MARCHF4: variants seen among roughly 807,000 people sequenced by gnomAD.
The protein encoded by MARCHF4 is E3 ubiquitin-protein ligase MARCHF4.
Under a neutral mutation model 43.9 loss-of-function variants are expected in MARCHF4, and 14 were observed. That is an observed-to-expected ratio of 0.32 (90% CI 0.21 to 0.50). The LOEUF (loss-of-function observed/expected upper bound fraction) is 0.50, where lower values mean the gene tolerates loss of function less well. Ranked by LOEUF, MARCHF4 falls within the 20% of genes least tolerant of loss-of-function variation. The pLI, the probability that MARCHF4 is intolerant of heterozygous loss-of-function variation, is 0.98. For synonymous variants in MARCHF4, 226 were observed against 213.3 expected, an observed-to-expected ratio of 1.06 and a Z score of -0.52; for missense variants, 468 against 536.7, an observed-to-expected ratio of 0.87 and a Z score of 1.27.
At chr2:216,360,671 T>C (rs1316251799) in intron 1 of MARCHF4, among the ~76,000 whole-genome samples, 1 of 152,136 alleles carries the variant, frequency 6.6e-6, no homozygotes, top group East Asian at 1.9e-4. Flanking sequence ...TATGATACCA[T>C]AATGGTAGAT....
At position 216,263,515 on chromosome 2, in the gene MARCHF4, G is replaced by GAGAGAA. The variant is rs1559280546; in HGVS notation, c.866-3837_866-3836insTTCTCT. Among the ~76,000 whole-genome samples the GAGAGAA allele has an allele frequency of 1.2e-3, 172 of 142,432 alleles. 1 individual carries two copies. In the East Asian group the frequency reaches 0.024, roughly 20 times the overall value. 93.4% of individuals were successfully genotyped at this position (142,432 alleles called of 152,430 possible). A position where few individuals can be genotyped will look rare whatever the true frequency, so the allele number is the denominator to read the frequency against. ...AGAAAGAGAGAGAGAGAGAGAGAGAGAGAGAGAGAGAGAGAGAGAGAGAAA... is the reference window on the plus strand; with the variant it reads ...AGAAAGAGAGAGAGAGAGAGAGAGAGAGAGAAAGAGAGAGAGAGAGAGAGAGAGAAA... On this transcript the variant is annotated intron_variant, in intron 3 of 3. Coordinates refer to ENST00000273067, the MANE Select transcript of MARCHF4 (RefSeq NM_020814.3).
intron 1 of MARCHF4, among the ~76,000 whole-genome samples, chr2:216,339,973 T>G (rs1376300056): frequency 2.0e-5 from 3 of 152,018 alleles, no homozygotes; most frequent in Admixed American, 2.0e-4. Context: ...GCTCCCTCCC[T>G]GCTGGGCTCT....
At chr2:216,263,987 G>A (rs1690802732) in intron 3 of MARCHF4, among the ~76,000 whole-genome samples, 1 of 149,928 alleles carries the variant, frequency 6.7e-6, no homozygotes, top group Non-Finnish European at 1.5e-5. Context: ...TCATCCCACA[G>A]CTACTGAGGA....
At chr2:216,342,161 G>A (rs543786023) in intron 1 of MARCHF4, among the ~76,000 whole-genome samples, 1 of 152,302 alleles carries the variant, frequency 6.6e-6, no homozygotes, top group Non-Finnish European at 1.5e-5. Context: ...CAAAGAAAAT[G>A]TATCTTTGCC....
intron 1 of MARCHF4, among the ~76,000 whole-genome samples, chr2:216,305,988 A>C (rs969758587): frequency 1.5e-4 from 23 of 151,880 alleles, no homozygotes; most frequent in African/African-American, 5.6e-4. Flanking sequence ...CCCCTCCTGC[A>C]CCAAAACATT....
intron 1 of MARCHF4, among the ~76,000 whole-genome samples, chr2:216,339,017 T>C (rs1210135996): frequency 6.6e-6 from 1 of 152,178 alleles, no homozygotes; most frequent in Non-Finnish European, 1.5e-5. Context: ...CCTGTGTTCC[T>C]ACCTCTTGGC....
intron 3 of MARCHF4, among the ~76,000 whole-genome samples, chr2:216,270,235 C>T (rs1690913597): frequency 6.6e-6 from 1 of 152,116 alleles, no homozygotes; most frequent in South Asian, 2.1e-4. Context: ...ACCACCATGC[C>T]TGGCTAATTT....
chr2:216,341,275 G>A (rs1022840074), intron 1 of MARCHF4, among the ~76,000 whole-genome samples: 2 of 152,114 alleles, frequency 1.3e-5, no homozygotes, highest in African/African-American at 4.8e-5. Context: ...TTACACCCAC[G>A]GTCTCTCGTG....
intron 3 of MARCHF4, among the ~76,000 whole-genome samples, chr2:216,270,797 C>T (rs1574459436): frequency 1.3e-5 from 2 of 152,132 alleles, no homozygotes; most frequent in East Asian, 3.9e-4. Context: ...CTGGGACTCT[C>T]ACTCTCCTAA....
chr2:216,339,288 A>G (rs1692204146), intron 1 of MARCHF4, among the ~76,000 whole-genome samples: 1 of 152,170 alleles, frequency 6.6e-6, no homozygotes, highest in Admixed American at 6.5e-5. Flanking sequence ...TTCAATGGCC[A>G]TGCCCTTCTC....
intron 1 of MARCHF4, among the ~76,000 whole-genome samples, chr2:216,340,372 C>T (rs976609548): frequency 2.0e-5 from 3 of 152,188 alleles, no homozygotes; most frequent in Non-Finnish European, 4.4e-5. Flanking sequence ...GCTGGCAGTT[C>T]GGTTTCACCA....
chr2:216,368,982 T>A (rs1287642234), intron 1 of MARCHF4, among the ~76,000 whole-genome samples: 3 of 152,202 alleles, frequency 2.0e-5, no homozygotes, highest in Non-Finnish European at 4.4e-5. Context: ...ATCCCTATCC[T>A]GGATGGGGAG....
At chr2:216,295,794 G>C (rs1479070089) in intron 1 of MARCHF4, among the ~76,000 whole-genome samples, 1 of 152,230 alleles carries the variant, frequency 6.6e-6, no homozygotes, top group African/African-American at 2.4e-5. Context: ...TATGCTGAAA[G>C]CCAGTTGTCT....
At chr2:216,338,628 G>C (rs912242976) in intron 1 of MARCHF4, among the ~76,000 whole-genome samples, 2 of 151,990 alleles carry the variant, frequency 1.3e-5, no homozygotes, top group Non-Finnish European at 2.9e-5. Context: ...TCTCCTGCGT[G>C]GACTTGCAGC....
intron 1 of MARCHF4, among the ~76,000 whole-genome samples, chr2:216,361,078 TA>T (rs1692569624): frequency 6.6e-6 from 1 of 152,002 alleles, no homozygotes; most frequent in Non-Finnish European, 1.5e-5. Context: ...CTAAAAAAAT[TA>T]AGCCCATTAA....
At chr2:216,270,133 T>C (rs1352430913) in intron 3 of MARCHF4, among the ~76,000 whole-genome samples, 2 of 152,068 alleles carry the variant, frequency 1.3e-5, no homozygotes, top group East Asian at 3.8e-4. Context: ...TGGAGTGCAG[T>C]GGCATAATCA....
intron 1 of MARCHF4, among the ~76,000 whole-genome samples, chr2:216,355,993 T>C (rs896159915): frequency 1.3e-5 from 2 of 152,216 alleles, no homozygotes; most frequent in Non-Finnish European, 2.9e-5. Flanking sequence ...TTTTGGCACT[T>C]GTTTTCCAAA....
chr2:216,318,904 G>A (rs926912796), intron 1 of MARCHF4, among the ~76,000 whole-genome samples: 4 of 152,118 alleles, frequency 2.6e-5, no homozygotes, highest in Non-Finnish European at 4.4e-5. Context: ...AAAAATGAAA[G>A]CAGTCTATGT....
intron 1 of MARCHF4, among the ~76,000 whole-genome samples, chr2:216,358,465 T>A (rs1411851656): frequency 6.6e-6 from 1 of 152,158 alleles, no homozygotes; most frequent in African/African-American, 2.4e-5. Context: ...GAAGGAGGAA[T>A]TGGATTTATA....
Sources: gnomAD v4.1 joint callset for allele counts (sites outside exome capture counted in the v4.1 genomes callset) on GRCh38, gnomAD v4.1.1 for gene constraint, MANE v1.5 for transcripts, NCBI Gene and HGNC (gene_info 2026-07-23, HGNC 2026-07-21) for gene names.